Variants in KBTBD6 observed in about 807,000 individuals in gnomAD.
KBTBD6 encodes kelch repeat and BTB domain containing 6, also known as kelch repeat and BTB domain-containing protein 6.
Under a neutral mutation model 34.4 loss-of-function variants are expected in KBTBD6, and 6 were observed. That is an observed-to-expected ratio of 0.17 (90% CI 0.10 to 0.34). The LOEUF is 0.34. Among genes scored for constraint, KBTBD6 ranks in the 10% least tolerant of loss-of-function variants. The probability of loss-of-function intolerance (pLI) is 1.00; values close to 1 mark genes in which losing one functional copy is unlikely to be tolerated. For synonymous variants in KBTBD6, 288 were observed against 327.2 expected (o/e 0.88, Z 1.29); for missense variants, 557 against 856.0 (o/e 0.65, Z 4.36).
rs925367335 is a variant in KBTBD6 at position 41,130,482 on chromosome 13, G to A, written c.*5C>T. ...TTACAACAAACCCTGTTGATCCTGT[G>A]CATTTCACTGAGGCGCTACACGCAC... is the stretch of plus-strand genomic sequence containing the variant. On this transcript the variant is annotated 3_prime_UTR_variant, in exon 1 of 1. Transcript: ENST00000379485. The surrounding 1 kb of genome is among the most constrained non-coding windows in gnomAD (Gnocchi z 4.8). The A allele has an allele frequency of 1.0e-5, 16 of 1,598,672 alleles. No individual in the cohort carries two copies. The highest frequency in any genetic ancestry group is 1.7e-5 in the Admixed American group (1 of 58,872).
At position 41,129,510 on chromosome 13, in the gene KBTBD6, C is replaced by T. The variant is rs1356575631; in HGVS notation, c.*977G>A. ...CTTTGCAAATACACATTCTAAATTC[C>T]AAAATTAAAACGAAACTTCTTTTCA... On this transcript the variant is annotated 3_prime_UTR_variant, in exon 1 of 1. Transcript: ENST00000379485. The T allele has an allele frequency of 6.6e-6, 1 of 151,912 alleles. No individual in the cohort carries two copies. The highest frequency in any genetic ancestry group is 1.5e-5 in the Non-Finnish European group (1 of 67,996). The allele number at this position is 151,912 out of a possible 1,614,324, so 9.4% of individuals were successfully genotyped here. A position where few individuals can be genotyped will look rare whatever the true frequency, so the allele number is the denominator to read the frequency against.
At position 41,130,742 on chromosome 13, in the gene KBTBD6, A is replaced by G. The variant is rs1046834123; in HGVS notation, c.1770T>C (p.Ile590=). 5.6e-6 allele frequency: 9 copies of G among 1,614,174 alleles called. No individual in the cohort carries two copies. Among genetic ancestry groups the G allele is most frequent in the East Asian group, 2.2e-5 (1 of 44,886 alleles). The part of the protein sequence containing the change: ...KNRVTVYEYD[I]RGDQWINIGT... ...CTATATTAATCCATTGGTCTCCCCT[A>G]ATATCATATTCATACACAGTCACCC... The change falls in exon 1 of 1, where the codon ATT becomes ATC. Residue 590 remains isoleucine (I), a synonymous_variant. Transcript: ENST00000379485. The surrounding 1 kb of genome is among the most constrained non-coding windows in gnomAD (Gnocchi z 4.8).
In KBTBD6 at chr13:41,131,130, C is replaced by T; in HGVS notation, c.1382G>A (p.Arg461Lys). 1 of 1,614,208 alleles carries T rather than the reference C, an allele frequency of 6.2e-7. No individual in the cohort carries two copies. Among genetic ancestry groups the T allele is most frequent in the Non-Finnish European group, 8.5e-7 (1 of 1,180,032 alleles). Residue 461 changes from arginine (R) to lysine (K), a missense_variant, in exon 1 of 1, where the codon AGA becomes AAA. Arg to Lys is a conservative substitution (Grantham distance 26, BLOSUM62 2). Around this residue, in one of 4 missense-constraint regions of KBTBD6, gnomAD observed 309 missense variants for 504.5 expected, o/e 0.61. Transcript: ENST00000379485. The surrounding 1 kb of genome is among the most constrained non-coding windows in gnomAD (Gnocchi z 5.8). ...TGGAGCCACCAATGCCCACTGGTTT[C>T]TCTTAACATTGTAGCATTCCACTTC... Reference protein sequence around the residue: ...LKEVECYNVKRNQWALVAPLP... With the variant: ...LKEVECYNVKKNQWALVAPLP...
At position 41,132,692 on chromosome 13, in the gene KBTBD6, G is replaced by T; in HGVS notation, c.-181C>A. 1 of 718,210 alleles carries T rather than the reference G, an allele frequency of 1.4e-6. No individual in the cohort carries two copies. Among genetic ancestry groups the T allele is most frequent in the Non-Finnish European group, 2.3e-6 (1 of 434,010 alleles). 44.5% of individuals were successfully genotyped at this position (718,210 alleles called of 1,614,324 possible). On this transcript the variant is annotated 5_prime_UTR_variant, in exon 1 of 1. Transcript: ENST00000379485. ...GCCTCCCGTTATCGTTTAGACAGTG[G>T]CTGACTCACCCTCTCTCACTCCCGC... is the stretch of plus-strand genomic sequence containing the variant.
In KBTBD6 at chr13:41,132,184, C is replaced by T; in HGVS notation, c.328G>A (p.Ala110Thr). The change falls in exon 1 of 1, where the codon GCC becomes ACC. Residue 110 changes from alanine (A) to threonine (T), a missense_variant. Coordinates refer to ENST00000379485, the MANE Select transcript of KBTBD6 (RefSeq NM_152903.5). ...FTGGMYESQQ[A>T]SVTMHDVDAE... ...TCCACATCGTGCATGGTCACGCTGG[C>T]CTGCTGGCTCTCGTACATGCCACCT... The T allele has an allele frequency of 1.2e-6, 2 of 1,614,238 alleles. No homozygotes were observed. Among genetic ancestry groups the T allele is most frequent in the Non-Finnish European group, 1.7e-6 (2 of 1,180,034 alleles).
rs2030066524 is a variant in KBTBD6, at chr13:41,130,342, A to T, written c.*145T>A. ...ATTAAATTACCTTCGTATTTCAAACATTACTTTTTCTAAACCAAACCAGAA... is the reference window on the plus strand; with the variant it reads ...ATTAAATTACCTTCGTATTTCAAACTTTACTTTTTCTAAACCAAACCAGAA... On this transcript the variant is annotated 3_prime_UTR_variant, in exon 1 of 1. Coordinates refer to ENST00000379485, the MANE Select transcript of KBTBD6 (RefSeq NM_152903.5). The surrounding 1 kb of genome is among the most constrained non-coding windows in gnomAD (Gnocchi z 4.8). 3.4e-6 allele frequency: 2 copies of T among 594,078 alleles called. No individual in the cohort carries two copies. The highest frequency in any genetic ancestry group is 5.7e-5 in the East Asian group (2 of 34,854). 36.8% of individuals were successfully genotyped at this position (594,078 alleles called of 1,614,324 possible).
At position 41,131,922 on chromosome 13, in the gene KBTBD6, G is replaced by A. The variant is rs377000610; in HGVS notation, c.590C>T (p.Ala197Val). 2.2e-5 allele frequency: 36 copies of A among 1,614,156 alleles called. No homozygotes were observed. Among genetic ancestry groups the A allele is most frequent in the Non-Finnish European group, 3.0e-5 (35 of 1,180,056 alleles). ...KLRSQAQSYI[A>V]QNFKQLSHMG... The stretch of plus-strand genomic sequence containing the variant: ...GTGGCTGAGTTGCTTGAAGTTCTGA[G>A]CTATATAGGACTGGGCCTGGGATCG... Residue 197 changes from alanine to valine, a missense_variant, in exon 1 of 1, where the codon GCT (alanine) becomes GTT (valine). Physicochemically the swap from Ala to Val is moderately conservative, Grantham distance 64 (BLOSUM62 0). This residue lies in a region of KBTBD6 where 100 missense variants were observed against 102.1 expected (regional missense o/e 0.98). Coordinates refer to ENST00000379485, the MANE Select transcript of KBTBD6 (RefSeq NM_152903.5). The surrounding 1 kb of genome is among the most constrained non-coding windows in gnomAD (Gnocchi z 5.8).
Position 41,130,874 on chromosome 13 carries a change from T to C in KBTBD6, c.1638A>G (p.Gln546=), listed in dbSNP as rs1470138225. The change falls in exon 1 of 1, where the codon CAA becomes CAG. Residue 546 remains glutamine (Q), a synonymous_variant. Transcript: ENST00000379485. The surrounding 1 kb of genome is among the most constrained non-coding windows in gnomAD (Gnocchi z 4.8). ...CTGAGACCAAGGGAATATTATTCAT[T>C]TGCCTCCATTCTGCCCTAACTGGGT... ...VYNPVRAEWR[Q]MNNIPLVSET... 6.2e-7 allele frequency: 1 copy of C among 1,614,134 alleles called. No individual in the cohort carries two copies. The highest frequency in any genetic ancestry group is 2.2e-5 in the East Asian group (1 of 44,884).
rs1242515743 is a variant in KBTBD6, at chr13:41,130,784, T to G, written c.1728A>C (p.Pro576=). The G allele has an allele frequency of 6.2e-7, 1 of 1,614,210 alleles. No homozygotes were observed. Among genetic ancestry groups the G allele is most frequent in the South Asian group, 1.1e-5 (1 of 91,088 alleles). Residue 576 remains proline, a synonymous_variant, in exon 1 of 1, where the codon CCA becomes CCC. Coordinates refer to ENST00000379485, the MANE Select transcript of KBTBD6 (RefSeq NM_152903.5). The surrounding 1 kb of genome is among the most constrained non-coding windows in gnomAD (Gnocchi z 4.8). The part of the protein sequence containing the change: ...QKLLLITSRT[P]QWKKNRVTVY... ...CAGTCACCCGGTTCTTTTTCCACTG[T>G]GGGGTGCGAGAGGTGATGAGCAACA...
At position 41,130,660 on chromosome 13, in the gene KBTBD6, C is replaced by T. The variant is rs564029191; in HGVS notation, c.1852G>A (p.Val618Ile). The change falls in exon 1 of 1, where the codon GTT becomes ATT. Residue 618 changes from valine to isoleucine, a missense_variant. Transcript: ENST00000379485. The surrounding 1 kb of genome is among the most constrained non-coding windows in gnomAD (Gnocchi z 4.8). ...DSNFFCLSAR[V>I]YPSCLEPGQS... is the part of the protein sequence containing the mutation. Reference sequence around the variant, plus strand: ...CCAGGTTCAAGGCAGGAAGGATAAACACGAGCAGAGAGGCAAAAAAAGTTA... The same window carrying T: ...CCAGGTTCAAGGCAGGAAGGATAAATACGAGCAGAGAGGCAAAAAAAGTTA... The T allele has an allele frequency of 1.9e-6, 3 of 1,614,220 alleles. No homozygotes were observed. Among genetic ancestry groups the T allele is most frequent in the African/African-American group, 1.3e-5 (1 of 75,050 alleles).
In KBTBD6 at chr13:41,131,237, A is replaced by T. The variant is rs1274382126; in HGVS notation, c.1275T>A (p.Arg425=). The part of the protein sequence containing the change: ...WQQLADRLLC[R]EGMDVAYLNG... ...TGAGATATGCCACATCCATGCCCTC[A>T]CGACACAGCAAGCGATCTGCAAGTT... is the stretch of plus-strand genomic sequence containing the variant. The change falls in exon 1 of 1, where the codon CGT becomes CGA. Residue 425 remains arginine (R), a synonymous_variant. Coordinates refer to ENST00000379485, the MANE Select transcript of KBTBD6 (RefSeq NM_152903.5). The surrounding 1 kb of genome is among the most constrained non-coding windows in gnomAD (Gnocchi z 5.8). 4 of 1,614,066 alleles carry T rather than the reference A, an allele frequency of 2.5e-6. No homozygotes were observed. The highest frequency in any genetic ancestry group is 1.6e-4 in the Middle Eastern group (1 of 6,080).
rs1394562528 is a variant in KBTBD6 at position 41,132,606 on chromosome 13, C to A, written c.-95G>T. ...TCCCTCGCTGACGCTAAGATAGCAG[C>A]GTCTCCGAAGAGACAGCAGCACGAG... On this transcript the variant is annotated 5_prime_UTR_variant, in exon 1 of 1. Coordinates refer to ENST00000379485, the MANE Select transcript of KBTBD6 (RefSeq NM_152903.5). The A allele has an allele frequency of 4.0e-5, 56 of 1,411,718 alleles. No individual in the cohort carries two copies. The highest frequency in any genetic ancestry group is 2.2e-4 in the Middle Eastern group (1 of 4,592). The allele number at this position is 1,411,718 out of a possible 1,614,324, so 87.4% of individuals were successfully genotyped here.
At position 41,131,815 on chromosome 13, in the gene KBTBD6, C is replaced by G; in HGVS notation, c.697G>C (p.Val233Leu). 1.2e-6 allele frequency: 2 copies of G among 1,614,262 alleles called. No individual in the cohort carries two copies. The highest frequency in any genetic ancestry group is 8.5e-7 in the Non-Finnish European group (1 of 1,180,044). The change falls in exon 1 of 1, where the codon GTG becomes CTG. Residue 233 changes from valine to leucine, a missense_variant. Coordinates refer to ENST00000379485, the MANE Select transcript of KBTBD6 (RefSeq NM_152903.5). This position sits in a 1 kb window ranked among gnomAD's most constrained non-coding sequence, Gnocchi z 5.8. ...LAVLRLDSLD[V>L]ESEQTVCHVA... is the part of the protein sequence containing the mutation. ...TGGCACACTGTCTGCTCACTCTCCA[C>G]GTCCAGACTATCCAAGCGCAGGACA...
rs764945464 is a variant in KBTBD6, at chr13:41,128,840, T to C, written c.*1647A>G. ...CCATGCCCAGACATATTTTTTATTT[T>C]TGTAGAGATGGGGTTTTGCTATGTT... On this transcript the variant is annotated 3_prime_UTR_variant, in exon 1 of 1. Coordinates refer to ENST00000379485, the MANE Select transcript of KBTBD6 (RefSeq NM_152903.5). The C allele has an allele frequency of 4.1e-5, 10 of 240,984 alleles. No homozygotes were observed. The highest frequency in any genetic ancestry group is 7.1e-5 in the Non-Finnish European group (9 of 126,172). 14.9% of individuals were successfully genotyped at this position (240,984 alleles called of 1,614,324 possible). A position where few individuals can be genotyped will look rare whatever the true frequency, so the allele number is the denominator to read the frequency against.
At position 41,129,644 on chromosome 13, in the gene KBTBD6, T is replaced by C. The variant is rs1235207434; in HGVS notation, c.*843A>G. ...AGTCACCCTAATACACATATGGTTT[T>C]TTTTCTTTTTTTTTTTTCCTTTTTT... On this transcript the variant is annotated 3_prime_UTR_variant, in exon 1 of 1. Transcript: ENST00000379485. 1 of 147,072 alleles carries C rather than the reference T, an allele frequency of 6.8e-6. No homozygotes were observed. The highest frequency in any genetic ancestry group is 1.5e-5 in the Non-Finnish European group (1 of 67,460). The allele number at this position is 147,072 out of a possible 1,614,324, so 9.1% of individuals were successfully genotyped here. A position where few individuals can be genotyped will look rare whatever the true frequency, so the allele number is the denominator to read the frequency against.
chr13:41,131,604 T>C lies in KBTBD6; in HGVS notation c.908A>G (p.Tyr303Cys), dbSNP rs749844387. 1.3e-5 allele frequency: 21 copies of C among 1,613,362 alleles called. No homozygotes were observed. Among genetic ancestry groups the C allele is most frequent in the Non-Finnish European group, 1.7e-5 (20 of 1,179,468 alleles). Residue 303 changes from tyrosine to cysteine, a missense_variant, in exon 1 of 1, where the codon TAT becomes TGT. Around this residue, in one of 4 missense-constraint regions of KBTBD6, gnomAD observed 309 missense variants for 504.5 expected, o/e 0.61. Transcript: ENST00000379485. This position sits in a 1 kb window ranked among gnomAD's most constrained non-coding sequence, Gnocchi z 5.8. ...CAGAGACTTGTACAACAGGTCACCA[T>C]AGCGCATCTGCAGGGCCCCTTCAAT... The part of the protein sequence containing the change: ...DVIEGALQMR[Y>C]GDLLYKSLVP...
chr13:41,132,588 C>G lies in KBTBD6; in HGVS notation c.-77G>C, dbSNP rs2030130116. ...CTGGCTCCTCCTCAACCTTCCCTCG[C>G]TGACGCTAAGATAGCAGCGTCTCCG... On this transcript the variant is annotated 5_prime_UTR_variant, in exon 1 of 1. Coordinates refer to ENST00000379485, the MANE Select transcript of KBTBD6 (RefSeq NM_152903.5). 1 of 1,506,956 alleles carries G rather than the reference C, an allele frequency of 6.6e-7. No individual in the cohort carries two copies. Among genetic ancestry groups the G allele is most frequent in the African/African-American group, 1.4e-5 (1 of 72,116 alleles). 93.3% of individuals were successfully genotyped at this position (1,506,956 alleles called of 1,614,324 possible). A position where few individuals can be genotyped will look rare whatever the true frequency, so the allele number is the denominator to read the frequency against.
At position 41,132,453 on chromosome 13, in the gene KBTBD6, T is replaced by C. The variant is rs577398652; in HGVS notation, c.59A>G (p.Lys20Arg). 5.0e-6 allele frequency: 8 copies of C among 1,614,204 alleles called. No homozygotes were observed. In the South Asian group the frequency reaches 5.5e-5, roughly 11 times the overall value. Reference protein sequence around the residue: ...SRRLASPRGGKRPKKIHKPTV... With the variant: ...SRRLASPRGGRRPKKIHKPTV... ...GGGTTTGTGAATCTTCTTGGGCCGC[T>C]TCCCACCACGGGGACTGGCTAGGCG... The change falls in exon 1 of 1, where the codon AAG (lysine) becomes AGG (arginine). Residue 20 changes from lysine (K) to arginine (R), a missense_variant. Physicochemically the swap from Lys to Arg is conservative, Grantham distance 26 (BLOSUM62 2). Around this residue, in one of 4 missense-constraint regions of KBTBD6, gnomAD observed 40 missense variants for 39.9 expected, o/e 1.00. Coordinates refer to ENST00000379485, the MANE Select transcript of KBTBD6 (RefSeq NM_152903.5).
chr13:41,132,762 G>T lies in KBTBD6; in HGVS notation c.-251C>A. On this transcript the variant is annotated 5_prime_UTR_variant, in exon 1 of 1. Transcript: ENST00000379485. Reference sequence around the variant, plus strand: ...TCGCCTTCACAGGACCCGCTGGCTTGGAGCCGCAGAAGCCGCTACTGCAGC... The same window carrying T: ...TCGCCTTCACAGGACCCGCTGGCTTTGAGCCGCAGAAGCCGCTACTGCAGC... 1 of 547,390 alleles carries T rather than the reference G, an allele frequency of 1.8e-6. No homozygotes were observed. Among genetic ancestry groups the T allele is most frequent in the Admixed American group, 3.3e-5 (1 of 30,346 alleles). 33.9% of individuals were successfully genotyped at this position (547,390 alleles called of 1,614,324 possible).
Sources: allele counts gnomAD v4.1 joint callset, GRCh38; gene constraint gnomAD v4.1.1; regional missense constraint gnomAD v4.1.1; non-coding constraint Gnocchi (gnomAD v3.1); transcripts MANE v1.5; gene names NCBI Gene and HGNC (gene_info 2026-07-23, HGNC 2026-07-21).